LTBP1: variants seen among roughly 807,000 people sequenced by gnomAD.
The protein encoded by LTBP1 is latent-transforming growth factor beta-binding protein 1.
A neutral mutation model predicts 207.6 loss-of-function variants in LTBP1; 129 were observed. That is an observed-to-expected ratio of 0.62 (90% CI 0.54 to 0.72). The LOEUF (loss-of-function observed/expected upper bound fraction) is 0.72. Ranked by LOEUF, LTBP1 falls within the 30% of genes least tolerant of loss-of-function variation. The probability of loss-of-function intolerance (pLI) is 0.00; values close to 1 mark genes in which losing one functional copy is unlikely to be tolerated. For synonymous variants in LTBP1, 963 were observed against 833.7 expected (o/e 1.16, Z -2.67); for missense variants, 2,281 against 2,217.2 (o/e 1.03, Z -0.58).
intron 7 of LTBP1, among the ~76,000 whole-genome samples, chr2:33,214,199 T>A (rs1262345378): frequency 1.3e-5 from 2 of 152,216 alleles, no homozygotes; most frequent in Non-Finnish European, 2.9e-5. Context: ...AAGCATGCTT[T>A]GGCAGCCAGG....
At chr2:33,081,583 A>G (rs17325216) in intron 3 of LTBP1, among the ~76,000 whole-genome samples, 9,996 of 152,236 alleles carry the variant, frequency 0.066, 412 homozygotes, top group South Asian at 0.18. Flanking sequence ...TGGATTTGTT[A>G]GCACGTTGGT....
chr2:32,976,469 T>G (rs562532054), intron 2 of LTBP1, among the ~76,000 whole-genome samples: 1 of 152,202 alleles, frequency 6.6e-6, no homozygotes, highest in Non-Finnish European at 1.5e-5. Flanking sequence ...ATTTTACCAT[T>G]GTATTTTGGG....
At chr2:33,250,657 T>A (rs1053965088) in intron 10 of LTBP1, among the ~76,000 whole-genome samples, 3 of 152,146 alleles carry the variant, frequency 2.0e-5, no homozygotes, top group African/African-American at 7.2e-5. Flanking sequence ...ACTCTGAGAC[T>A]TAACATAGGG....
chr2:33,379,855 C>T (rs2095192289), intron 31 of LTBP1, among the ~76,000 whole-genome samples: 1 of 152,056 alleles, frequency 6.6e-6, no homozygotes, highest in Non-Finnish European at 1.5e-5. Context: ...AGTGGTATAT[C>T]TTTGTTATTC....
At chr2:33,364,852 G>T (rs1292033752) in intron 30 of LTBP1, among the ~76,000 whole-genome samples, 1 of 152,218 alleles carries the variant, frequency 6.6e-6, no homozygotes, top group African/African-American at 2.4e-5. Flanking sequence ...TTCGCCTCAG[G>T]AGACTGCTTT....
intron 31 of LTBP1, among the ~76,000 whole-genome samples, chr2:33,385,019 C>G (rs943914982): frequency 1.4e-4 from 22 of 152,290 alleles, no homozygotes; most frequent in African/African-American, 4.8e-4. Flanking sequence ...AACTTATTCT[C>G]TATGTAAGAC....
chr2:33,013,412 CT>C (rs1416380623), intron 2 of LTBP1, among the ~76,000 whole-genome samples: 1 of 151,496 alleles, frequency 6.6e-6, no homozygotes, highest in East Asian at 1.9e-4. Flanking sequence ...TGATTTTGGT[CT>C]TCCTTTGTTA....
At chr2:32,994,074 T>C (rs964257681) in intron 2 of LTBP1, among the ~76,000 whole-genome samples, 3 of 151,552 alleles carry the variant, frequency 2.0e-5, no homozygotes, top group Non-Finnish European at 4.4e-5. Context: ...CAGATCCAAG[T>C]GATTATTGTA....
At chr2:33,220,445 T>C (rs760131589) in intron 8 of LTBP1, among the ~76,000 whole-genome samples, 1 of 152,254 alleles carries the variant, frequency 6.6e-6, no homozygotes, top group Non-Finnish European at 1.5e-5. Context: ...GTTGATCATT[T>C]TTTTTGCTGT....
intron 2 of LTBP1, among the ~76,000 whole-genome samples, chr2:33,009,106 T>C (rs1277645790): frequency 6.6e-6 from 1 of 151,976 alleles, no homozygotes; most frequent in African/African-American, 2.4e-5. Flanking sequence ...GTCATCTGGG[T>C]TTGGTTCTAA....
At chr2:33,358,130 AGGGTAAGT>A (rs533857967) in intron 26 of LTBP1, among the ~76,000 whole-genome samples, 200 of 152,294 alleles carry the variant, frequency 1.3e-3, no homozygotes, top group African/African-American at 4.3e-3. Context: ...CTTTCCAAAC[AGGGTAAGT>A]CAAGATGAGG....
At chr2:33,168,009 G>A (rs528636921) in intron 5 of LTBP1, among the ~76,000 whole-genome samples, 51 of 152,256 alleles carry the variant, frequency 3.3e-4, no homozygotes, top group African/African-American at 1.2e-3. Flanking sequence ...TGCTACCATC[G>A]AAGTTTATGA....
chr2:33,264,296 A>G (rs1422767062), intron 15 of LTBP1, among the ~76,000 whole-genome samples: 1 of 151,482 alleles, frequency 6.6e-6, no homozygotes, highest in African/African-American at 2.4e-5. Context: ...AATGATTACC[A>G]TTTTACTTTT....
At chr2:33,380,114 T>G (rs1231262079) in intron 31 of LTBP1, among the ~76,000 whole-genome samples, 2 of 152,190 alleles carry the variant, frequency 1.3e-5, no homozygotes, top group Non-Finnish European at 2.9e-5. Flanking sequence ...AGATTAGATG[T>G]CCACGCTTAC....
chr2:33,019,037 G>C (rs1201346911), intron 2 of LTBP1, among the ~76,000 whole-genome samples: 4 of 152,152 alleles, frequency 2.6e-5, no homozygotes, highest in Admixed American at 2.6e-4. Flanking sequence ...AAATCAATAG[G>C]TTTTGAGGCT....
intron 24 of LTBP1, among the ~76,000 whole-genome samples, chr2:33,331,571 A>G (rs1242228311): frequency 6.6e-6 from 1 of 152,170 alleles, no homozygotes; most frequent in Non-Finnish European, 1.5e-5. Flanking sequence ...ATGGCCAGAG[A>G]ATATACTCTA....
intron 9 of LTBP1, among the ~76,000 whole-genome samples, chr2:33,238,092 G>A (rs1362848758): frequency 3.7e-5 from 5 of 135,684 alleles, no homozygotes; most frequent in Non-Finnish European, 6.2e-5. Context: ...TTAATAGTCT[G>A]TCTGGGAAAA....
intron 2 of LTBP1, among the ~76,000 whole-genome samples, chr2:32,967,251 G>A (rs1449735910): frequency 6.6e-6 from 1 of 151,872 alleles, no homozygotes; most frequent in East Asian, 1.9e-4. Context: ...TTATATTGAT[G>A]ATTTCAAAGA....
chr2:33,172,194 G>T (rs940467431), intron 5 of LTBP1, among the ~76,000 whole-genome samples: 15 of 152,288 alleles, frequency 9.8e-5, no homozygotes, highest in African/African-American at 2.6e-4. Flanking sequence ...AATGCTCCAA[G>T]TAAAAGACAC....
Sources: gnomAD v4.1 joint callset for allele counts (sites outside exome capture counted in the v4.1 genomes callset) on GRCh38, gnomAD v4.1.1 for gene constraint, MANE v1.5 for transcripts, NCBI Gene and HGNC (gene_info 2026-07-23, HGNC 2026-07-21) for gene names.